Variants in WNK1 observed in about 807,000 individuals in gnomAD.
WNK1 encodes the protein serine/threonine-protein kinase WNK1.
In WNK1, 38 loss-of-function variants were observed where a neutral mutation model predicts 222.8. The ratio of observed to expected loss-of-function variants is 0.17; its 90% CI spans 0.13 to 0.22. The LOEUF is 0.22. Among genes scored for constraint, WNK1 ranks in the 10% least tolerant of loss-of-function variants. The pLI is 1.00. For missense variants in WNK1, 2,348 were observed against 2,918.4 expected (o/e 0.80, Z 4.50); for synonymous variants, 1,090 against 1,092.9 (o/e 1.00, Z 0.05).
Position 885,782 on chromosome 12 carries a change from C to T in WNK1, c.4978C>T (p.Arg1660Trp). 6.2e-7 allele frequency: 1 copy of T among 1,614,172 alleles called. No homozygotes were observed. The highest frequency in any genetic ancestry group is 8.5e-7 in the Non-Finnish European group (1 of 1,180,038). ...CATAAAGACTCTAGAAGAAAAGCTG[C>T]GGTCTCTGTTCAGTGAACACAGCTC... Reference protein sequence around the residue: ...DDIKTLEEKLRSLFSEHSSSG... With the variant: ...DDIKTLEEKLWSLFSEHSSSG... Residue 1660 changes from arginine to tryptophan, a missense_variant, in exon 19 of 28, where the codon CGG becomes TGG. This residue lies in a region of WNK1 where 1,144 missense variants were observed against 1,273.6 expected (regional missense o/e 0.90). Transcript: ENST00000315939.
chr12:881,490 T>C, intron 12 of WNK1: 1 of 616,400 alleles, frequency 1.6e-6, no homozygotes, highest in South Asian at 1.8e-5. Flanking sequence ...CCATGCAGTC[T>C]ATACCAGAGA....
chr12:898,976 G>A (rs568192150), intron 25 of WNK1, among the ~76,000 whole-genome samples: 49 of 152,266 alleles, frequency 3.2e-4, no homozygotes, highest in African/African-American at 1.1e-3. Context: ...CCTGGCTCAG[G>A]TGATCCACCC....
intron 5 of WNK1, among the ~76,000 whole-genome samples, chr12:858,873 A>G (rs536402149): frequency 6.6e-6 from 1 of 152,264 alleles, no homozygotes; most frequent in African/African-American, 2.4e-5. Context: ...TGAAGCTTTA[A>G]TAGAGCCAAT....
At chr12:802,013 A>C in intron 1 of WNK1, among the ~76,000 whole-genome samples, 1 of 152,120 alleles carries the variant, frequency 6.6e-6, no homozygotes, top group East Asian at 1.9e-4. Context: ...TTCCCCTCAC[A>C]GTTTTTCTGC....
chr12:799,366 AG>A (rs1945657358), intron 1 of WNK1, among the ~76,000 whole-genome samples: 1 of 151,750 alleles, frequency 6.6e-6, no homozygotes, highest in Admixed American at 6.6e-5. Flanking sequence ...CCTGAGCTCA[AG>A]CAATCTGGCT....
rs182912861 is a variant in WNK1, at chr12:773,876, C to G, written c.759+19552C>G. Among the ~76,000 whole-genome samples, 301 of 152,244 alleles carry G rather than the reference C, an allele frequency of 2.0e-3. 1 individual carries two copies. The highest frequency in any genetic ancestry group is 3.6e-3 in the Non-Finnish European group (248 of 68,024). On this transcript the variant is annotated intron_variant, in intron 1 of 27. Transcript: ENST00000315939. The stretch of plus-strand genomic sequence containing the variant: ...TGCCATAATTTCCTTCATTTCCCCA[C>G]AGTGTTAAGTATGTTATTTTTGCTA...
At chr12:801,978 A>G (rs915235403) in intron 1 of WNK1, among the ~76,000 whole-genome samples, 3 of 152,164 alleles carry the variant, frequency 2.0e-5, no homozygotes, top group African/African-American at 7.2e-5. Flanking sequence ...GCCCCTGCTA[A>G]CCAGAAAATT....
chr12:869,248 G>A, intron 8 of WNK1: 1 of 1,199,922 alleles, frequency 8.3e-7, no homozygotes, highest in South Asian at 1.3e-5. Context: ...ATCTTTGGGG[G>A]GTTGTGAACT....
At chr12:774,713 G>A (rs1942911377) in intron 1 of WNK1, among the ~76,000 whole-genome samples, 1 of 152,072 alleles carries the variant, frequency 6.6e-6, no homozygotes, top group South Asian at 2.1e-4. Flanking sequence ...CCAAGTGAGA[G>A]TTCTTATTTT....
intron 4 of WNK1, among the ~76,000 whole-genome samples, chr12:842,114 G>A (rs1949672771): frequency 1.3e-5 from 2 of 152,190 alleles, no homozygotes; most frequent in South Asian, 2.1e-4. Flanking sequence ...ATGATTCAAA[G>A]TAATGTCAAA....
At chr12:897,388 A>C in intron 24 of WNK1, 91 bp from the exon 25 acceptor site, 1 of 864,492 alleles carries the variant, frequency 1.2e-6, no homozygotes, top group South Asian at 1.3e-5. Context: ...ACTACTACAT[A>C]CTTGAAAGCA....
Position 868,840 on chromosome 12 carries a change from C to T in WNK1, c.2140-2425C>T, listed in dbSNP as rs752605536. Reference sequence around the variant, plus strand: ...TGACCGTTTCTGTGGTAGAGCCTATCGGACAGAACTGGCCAATAGGAAGCC... The same window carrying T: ...TGACCGTTTCTGTGGTAGAGCCTATTGGACAGAACTGGCCAATAGGAAGCC... On this transcript the variant is annotated intron_variant, in intron 8 of 27. Transcript: ENST00000315939. The T allele has an allele frequency of 5.6e-6, 9 of 1,614,014 alleles. No individual in the cohort carries two copies. Among genetic ancestry groups the T allele is most frequent in the South Asian group, 4.4e-5 (4 of 91,082 alleles).
At chr12:787,317 G>A (rs1464158484) in intron 1 of WNK1, among the ~76,000 whole-genome samples, 2 of 151,992 alleles carry the variant, frequency 1.3e-5, no homozygotes, top group South Asian at 2.1e-4. Flanking sequence ...GTAGAGATGG[G>A]GTCTCACTGT....
intron 4 of WNK1, among the ~76,000 whole-genome samples, chr12:841,477 A>AT (rs761159045): frequency 1.3e-5 from 2 of 152,222 alleles, no homozygotes; most frequent in African/African-American, 2.4e-5. Context: ...TTGCATATAT[A>AT]TACTACATTT....
chr12:883,373 T>C, intron 15 of WNK1, 22 bp from the exon 16 acceptor site: 1 of 1,613,904 alleles, frequency 6.2e-7, no homozygotes, highest in Non-Finnish European at 8.5e-7. Context: ...CTAATTAGAC[T>C]GACATCACAT....
chr12:901,274 A>G (rs1955231569), intron 26 of WNK1, among the ~76,000 whole-genome samples: 1 of 152,232 alleles, frequency 6.6e-6, no homozygotes, highest in African/African-American at 2.4e-5. Flanking sequence ...CCACAGTTTC[A>G]CAGAAATTAG....
At chr12:766,437 A>G (rs1213658912) in intron 1 of WNK1, among the ~76,000 whole-genome samples, 1 of 152,066 alleles carries the variant, frequency 6.6e-6, no homozygotes, top group Admixed American at 6.6e-5. Context: ...CTGCTTTGGT[A>G]TCTATCATAA....
intron 8 of WNK1, chr12:867,735 G>A: frequency 9.7e-7 from 1 of 1,025,940 alleles, no homozygotes; most frequent in Non-Finnish European, 1.5e-6. Context: ...CAGAAGCATT[G>A]TTATTTATTT....
chr12:797,129 A>G (rs1406016036), intron 1 of WNK1, among the ~76,000 whole-genome samples: 9 of 152,202 alleles, frequency 5.9e-5, no homozygotes, highest in African/African-American at 1.4e-4. Context: ...TTAAATTCAT[A>G]TTCATGAAAA....
Sources: allele counts gnomAD v4.1 joint callset (sites outside exome capture counted in the v4.1 genomes callset), GRCh38; gene constraint gnomAD v4.1.1; regional missense constraint gnomAD v4.1.1; transcripts MANE v1.5; gene names NCBI Gene and HGNC (gene_info 2026-07-23, HGNC 2026-07-21).